Variants in DLGAP2 observed in about 807,000 individuals in gnomAD.
DLGAP2 encodes the protein DLG associated protein 2.
In DLGAP2, 26 loss-of-function variants were observed where a neutral mutation model predicts 100.3. The observed-to-expected ratio is 0.26, with a 90% confidence interval of 0.19 to 0.36. DLGAP2 has a LOEUF of 0.36. Among genes scored for constraint, DLGAP2 ranks in the 10% least tolerant of loss-of-function variants. DLGAP2 has a pLI of 1.00. For synonymous variants in DLGAP2, 886 were observed against 630.1 expected (o/e 1.41, Z -6.08); for missense variants, 1,858 against 1,453.2 (o/e 1.28, Z -4.53).
chr8:1,104,036 C>T (rs895443087), intron 2 of DLGAP2, among the ~76,000 whole-genome samples: 6 of 152,190 alleles, frequency 3.9e-5, no homozygotes, highest in Admixed American at 6.5e-5. Flanking sequence ...GCTTGTGGGA[C>T]ACAGGATTGC....
At chr8:1,060,166 C>T (rs902070331) in intron 2 of DLGAP2, among the ~76,000 whole-genome samples, 14 of 152,164 alleles carry the variant, frequency 9.2e-5, no homozygotes, top group African/African-American at 3.4e-4. Flanking sequence ...GTGGCTGCAT[C>T]CGTTTCCCGT....
intron 2 of DLGAP2, among the ~76,000 whole-genome samples, chr8:1,142,754 TGG>T (rs1796543408): frequency 6.6e-6 from 1 of 151,728 alleles, no homozygotes; most frequent in South Asian, 2.1e-4. Flanking sequence ...GTTCTAGGCA[TGG>T]GGAGGGTGAG....
intron 6 of DLGAP2, among the ~76,000 whole-genome samples, chr8:1,587,521 C>G (rs1434563374): frequency 1.3e-5 from 2 of 152,116 alleles, no homozygotes; most frequent in Admixed American, 6.5e-5. Flanking sequence ...GTATATAAGG[C>G]TATGAATGTT....
At chr8:1,518,582 A>T (rs1800474367) in intron 4 of DLGAP2, among the ~76,000 whole-genome samples, 1 of 152,180 alleles carries the variant, frequency 6.6e-6, no homozygotes, top group East Asian at 1.9e-4. Context: ...CAGCTAATAA[A>T]TGACCACGTG....
Position 1,701,466 on chromosome 8 carries a change from G to T in DLGAP2, c.*60G>T. On this transcript the variant is annotated 3_prime_UTR_variant, in exon 15 of 15. Coordinates refer to ENST00000637795, the MANE Select transcript of DLGAP2 (RefSeq NM_001346810.2). ...GCTTTCCCGGACGCTTGTGCAGCGC[G>T]GCGCCGCCCTGGTGGTTTCTGTCTC... 4 of 1,496,600 alleles carry T rather than the reference G, an allele frequency of 2.7e-6. No homozygotes were observed. The highest frequency in any genetic ancestry group is 1.8e-6 in the Non-Finnish European group (2 of 1,114,546). 92.7% of individuals were successfully genotyped at this position (1,496,600 alleles called of 1,614,324 possible). A position where few individuals can be genotyped will look rare whatever the true frequency, so the allele number is the denominator to read the frequency against.
At chr8:1,331,029 C>T (rs1413211055) in intron 3 of DLGAP2, among the ~76,000 whole-genome samples, 2 of 149,496 alleles carry the variant, frequency 1.3e-5, no homozygotes, top group Admixed American at 6.8e-5. Flanking sequence ...GGTGGGAGCA[C>T]CGCTTCACAG....
chr8:999,861 T>C (rs529741561), intron 2 of DLGAP2, among the ~76,000 whole-genome samples: 11 of 152,260 alleles, frequency 7.2e-5, no homozygotes, highest in Non-Finnish European at 1.6e-4. Context: ...ATTTTCAAGT[T>C]CTTGCCCTGT....
intron 2 of DLGAP2, among the ~76,000 whole-genome samples, chr8:1,129,023 G>A (rs1033859730): frequency 6.6e-6 from 1 of 152,196 alleles, no homozygotes; most frequent in African/African-American, 2.4e-5. Context: ...TGTGTTTTCA[G>A]TAACAAGAAA....
intron 4 of DLGAP2, among the ~76,000 whole-genome samples, chr8:1,536,169 G>A (rs13256326): frequency 6.6e-6 from 1 of 152,000 alleles, no homozygotes; most frequent in African/African-American, 2.4e-5. Context: ...TGGAGTGGAA[G>A]AGACAGAAGC....
chr8:1,194,338 C>T (rs1045506098), intron 2 of DLGAP2, among the ~76,000 whole-genome samples: 12 of 152,002 alleles, frequency 7.9e-5, no homozygotes, highest in East Asian at 2.0e-4. Context: ...GGAGGGAGCC[C>T]GGATGCCTGG....
chr8:1,695,730 C>CT, intron 13 of DLGAP2, among the ~76,000 whole-genome samples: 1 of 152,266 alleles, frequency 6.6e-6, no homozygotes, highest in East Asian at 1.9e-4. Flanking sequence ...GGAACCACCC[C>CT]TACAGCCTCT....
intron 3 of DLGAP2, among the ~76,000 whole-genome samples, chr8:1,335,700 C>T (rs1801257771): frequency 2.0e-5 from 3 of 152,152 alleles, no homozygotes; most frequent in Non-Finnish European, 4.4e-5. Flanking sequence ...CACATATTGT[C>T]TGTGCAGGAC....
At position 1,093,148 on chromosome 8, in the gene DLGAP2, C is replaced by T. The variant is rs12680694; in HGVS notation, c.74-165703C>T. ...CCTCCAGCAGACTGGGTGAGGCCCA[C>T]GGTATGAGGGCCATCTCCTTCACCC... On this transcript the variant is annotated intron_variant, in intron 2 of 14. Coordinates refer to ENST00000637795, the MANE Select transcript of DLGAP2 (RefSeq NM_001346810.2). Among the ~76,000 whole-genome samples, 543 of 152,288 alleles carry T rather than the reference C, an allele frequency of 3.6e-3. 6 individuals are homozygous for T. The highest frequency in any genetic ancestry group is 0.024 in the Admixed American group (361 of 15,294).
At chr8:1,237,512 T>TCTTTCTCACACAGAGCATCGTGTCTA in intron 2 of DLGAP2, among the ~76,000 whole-genome samples, 1 of 141,832 alleles carries the variant, frequency 7.1e-6, no homozygotes, top group Non-Finnish European at 1.5e-5. Context: ...CATGTCTAGT[T>TCTTTCTCACACAGAGCATCGTGTCTA]GTTTCTCACA....
chr8:1,333,628 G>T (rs111929596), intron 3 of DLGAP2, among the ~76,000 whole-genome samples: 1 of 152,336 alleles, frequency 6.6e-6, no homozygotes, highest in Non-Finnish European at 1.5e-5. Context: ...CGACTGTGGC[G>T]TGAGAAAGGC....
In DLGAP2 at chr8:1,410,509, C is replaced by T. The variant is rs111868712; in HGVS notation, c.107-90857C>T. 5.7e-3 allele frequency among the ~76,000 whole-genome samples: 869 copies of T among 152,332 alleles called. 8 individuals carry two copies. Among genetic ancestry groups the T allele is most frequent in the African/African-American group, 0.019 (808 of 41,570 alleles). On this transcript the variant is annotated intron_variant, in intron 3 of 14. Transcript: ENST00000637795. Reference sequence around the variant, plus strand: ...CATGGGGTCACTAGAGGAAGGCTTCCTGCAGGGGTCCATCTGCAGGCTACT... The same window carrying T: ...CATGGGGTCACTAGAGGAAGGCTTCTTGCAGGGGTCCATCTGCAGGCTACT...
rs145960486 is a variant in DLGAP2 at position 1,670,664 on chromosome 8, C to T, written c.2202+880C>T. On this transcript the variant is annotated intron_variant, in intron 10 of 14. Coordinates refer to ENST00000637795, the MANE Select transcript of DLGAP2 (RefSeq NM_001346810.2). ...CAAAGACAGGAATGTAGGTGGATGA[C>T]GAAGTCACCTTTCATGGCAGTAAGA... Among the ~76,000 whole-genome samples, 169 of 152,222 alleles carry T rather than the reference C, an allele frequency of 1.1e-3. 1 individual carries two copies. The highest frequency in any genetic ancestry group is 3.8e-3 in the African/African-American group (157 of 41,538).
At chr8:1,366,347 C>T (rs1369052147) in intron 3 of DLGAP2, among the ~76,000 whole-genome samples, 1 of 152,198 alleles carries the variant, frequency 6.6e-6, no homozygotes, top group Non-Finnish European at 1.5e-5. Context: ...AATTCCCAGG[C>T]TGGAGGGGCT....
At chr8:1,607,664 C>T (rs997201735) in intron 6 of DLGAP2, among the ~76,000 whole-genome samples, 5 of 152,022 alleles carry the variant, frequency 3.3e-5, no homozygotes, top group East Asian at 3.9e-4. Flanking sequence ...AGACAGTGGG[C>T]GCAGGCCAGT....
Sources: allele counts gnomAD v4.1 joint callset (sites outside exome capture counted in the v4.1 genomes callset), GRCh38; gene constraint gnomAD v4.1.1; transcripts MANE v1.5; gene names NCBI Gene and HGNC (gene_info 2026-07-23, HGNC 2026-07-21).